Variants in PREX2 observed in about 807,000 individuals in gnomAD.
PREX2 encodes the protein phosphatidylinositol 3,4,5-trisphosphate-dependent Rac exchanger 2 protein.
A neutral mutation model predicts 203.2 loss-of-function variants in PREX2; 107 were observed. That is an observed-to-expected ratio of 0.53 (90% CI 0.45 to 0.62). The LOEUF (loss-of-function observed/expected upper bound fraction) is 0.62. PREX2 is among the 20% of genes least tolerant of loss of function. PREX2 has a pLI of 0.00. For synonymous variants in PREX2, 672 were observed against 663.6 expected (o/e 1.01, Z -0.19); for missense variants, 1,777 against 1,955.9 (o/e 0.91, Z 1.72).
At chr8:68,164,452 G>C (rs887901629) in intron 35 of PREX2, among the ~76,000 whole-genome samples, 4 of 151,456 alleles carry the variant, frequency 2.6e-5, no homozygotes, top group African/African-American at 9.7e-5. Context: ...TTGAATATCA[G>C]CTTTTAGTCA....
intron 15 of PREX2, 145 bp downstream of exon 15, chr8:68,077,614 A>G: frequency 1.5e-6 from 1 of 669,046 alleles, no homozygotes; most frequent in Non-Finnish European, 2.7e-6. Context: ...AGGTTGGGTC[A>G]CCACAACTGC....
intron 18 of PREX2, among the ~76,000 whole-genome samples, chr8:68,084,858 C>T (rs1809633910): frequency 6.6e-6 from 1 of 152,082 alleles, no homozygotes; most frequent in Non-Finnish European, 1.5e-5. Flanking sequence ...TACGTCCTCC[C>T]TAGGGCCCCC....
At chr8:67,983,747 G>A (rs1188172635) in intron 1 of PREX2, among the ~76,000 whole-genome samples, 1 of 152,150 alleles carries the variant, frequency 6.6e-6, no homozygotes, top group Non-Finnish European at 1.5e-5. Context: ...TTATTATTGA[G>A]TGCTTCCTTA....
rs986777210 is a variant in PREX2, at chr8:68,044,721, T to G, written c.943+131T>G. The G allele has an allele frequency of 7.4e-6, 5 of 674,590 alleles. No individual in the cohort carries two copies. The Admixed American group carries it at 1.4e-4, about 19-fold the overall frequency. 41.8% of individuals were successfully genotyped at this position (674,590 alleles called of 1,614,324 possible). ...AGAAATACTTTGTTAGGTAAAGTGGTTGGGTAGAGAAAAGAGAAAGGTGAG... is the reference window on the plus strand; with the variant it reads ...AGAAATACTTTGTTAGGTAAAGTGGGTGGGTAGAGAAAAGAGAAAGGTGAG... On this transcript the variant is annotated intron_variant, in intron 8 of 39. Transcript: ENST00000288368.
intron 35 of PREX2, among the ~76,000 whole-genome samples, chr8:68,162,163 C>T (rs926610814): frequency 6.6e-6 from 1 of 152,164 alleles, no homozygotes; most frequent in Non-Finnish European, 1.5e-5. Flanking sequence ...TAGGTTGGGA[C>T]ACAGCCAAAC....
chr8:68,009,611 C>T (rs1807206012), intron 1 of PREX2, among the ~76,000 whole-genome samples: 1 of 152,124 alleles, frequency 6.6e-6, no homozygotes, highest in South Asian at 2.1e-4. Flanking sequence ...ATGAAACATA[C>T]TTTTATATGA....
At chr8:68,089,804 A>G (rs1417138025) in intron 19 of PREX2, among the ~76,000 whole-genome samples, 1 of 152,206 alleles carries the variant, frequency 6.6e-6, no homozygotes, top group African/African-American at 2.4e-5. Flanking sequence ...ACAAGTTTAT[A>G]ATCATTTGTA....
chr8:68,119,065 T>A (rs1585808997), intron 27 of PREX2, among the ~76,000 whole-genome samples: 1 of 152,200 alleles, frequency 6.6e-6, no homozygotes, highest in Non-Finnish European at 1.5e-5. Flanking sequence ...GAGAAACAGA[T>A]TGATATAATT....
intron 1 of PREX2, among the ~76,000 whole-genome samples, chr8:67,983,867 T>G (rs576358879): frequency 1.3e-5 from 2 of 152,164 alleles, no homozygotes; most frequent in Non-Finnish European, 2.9e-5. Flanking sequence ...TTTTCACATC[T>G]GTAAGATGGG....
intron 23 of PREX2, chr8:68,105,354 C>T (rs766428391): frequency 3.1e-5 from 42 of 1,366,144 alleles, no homozygotes; most frequent in Non-Finnish European, 4.1e-5. Context: ...AGAGAGGGCC[C>T]CTGTCTGATT....
chr8:68,157,525 G>T (rs1811564410), intron 35 of PREX2, 89 bp downstream of exon 35: 2 of 562,722 alleles, frequency 3.6e-6, no homozygotes, highest in South Asian at 3.4e-5. Context: ...TATCATATTA[G>T]ATTATTAATG....
At chr8:68,062,896 C>T (rs955999751) in intron 11 of PREX2, among the ~76,000 whole-genome samples, 4 of 152,276 alleles carry the variant, frequency 2.6e-5, no homozygotes, top group Middle Eastern at 6.8e-3. Flanking sequence ...ACAAGAGCCT[C>T]ACTTGTTATT....
chr8:68,088,226 C>T (rs1200770023), intron 19 of PREX2, among the ~76,000 whole-genome samples: 4 of 151,964 alleles, frequency 2.6e-5, no homozygotes, highest in East Asian at 1.9e-4. Context: ...TTTTATAAAC[C>T]GTGGTTAAAT....
chr8:67,974,197 A>G (rs1238978582), intron 1 of PREX2, among the ~76,000 whole-genome samples: 2 of 152,142 alleles, frequency 1.3e-5, no homozygotes, highest in Non-Finnish European at 2.9e-5. Flanking sequence ...AGATAATGTG[A>G]ATTATAGGAA....
Position 68,083,407 on chromosome 8 carries a change from G to A in PREX2, c.2027+19G>A, listed in dbSNP as rs1809590399. On this transcript the variant is annotated intron_variant, in intron 18 of 39. Coordinates refer to ENST00000288368, the MANE Select transcript of PREX2 (RefSeq NM_024870.4). ...CAAGAGAGTAAGTTGTATGATTTATGTGTGATTTTTTAAAAGTTATACATA... is the reference window on the plus strand; with the variant it reads ...CAAGAGAGTAAGTTGTATGATTTATATGTGATTTTTTAAAAGTTATACATA... 1.9e-6 allele frequency: 3 copies of A among 1,571,356 alleles called. No homozygotes were observed. The highest frequency in any genetic ancestry group is 4.5e-5 in the East Asian group (2 of 44,462).
intron 1 of PREX2, among the ~76,000 whole-genome samples, chr8:67,998,583 A>G (rs73264043): frequency 0.029 from 4,341 of 152,278 alleles, 215 homozygotes; most frequent in African/African-American, 0.094. Context: ...CCTGAGCAAC[A>G]TAGTGAGACA....
chr8:68,182,455 T>A (rs1174966680), intron 35 of PREX2, among the ~76,000 whole-genome samples: 1 of 152,104 alleles, frequency 6.6e-6, no homozygotes, highest in Non-Finnish European at 1.5e-5. Context: ...CCTTTAAGTA[T>A]TATGTTTCAA....
chr8:68,190,155 T>A lies in PREX2; in HGVS notation c.4347-1567T>A, dbSNP rs374707581. 7.2e-5 allele frequency among the ~76,000 whole-genome samples: 11 copies of A among 152,192 alleles called. No homozygotes were observed. In the East Asian group the frequency reaches 1.2e-3, roughly 16 times the overall value. On this transcript the variant is annotated intron_variant, in intron 35 of 39. Coordinates refer to ENST00000288368, the MANE Select transcript of PREX2 (RefSeq NM_024870.4). ...AATTATACTGTGAATTTGATAATAA[T>A]TTACCAACACTTTGAAGTCCTACAG...
intron 33 of PREX2, among the ~76,000 whole-genome samples, chr8:68,143,251 G>A (rs1490336953): frequency 5.3e-5 from 8 of 149,904 alleles, no homozygotes; most frequent in Admixed American, 2.7e-4. Flanking sequence ...TCTCATGAAT[G>A]ATGTTGTGCC....
Sources: allele counts gnomAD v4.1 joint callset (sites outside exome capture counted in the v4.1 genomes callset), GRCh38; gene constraint gnomAD v4.1.1; transcripts MANE v1.5; gene names NCBI Gene and HGNC (gene_info 2026-07-23, HGNC 2026-07-21).